The following PLCB1 variants were observed in gnomAD, a reference collection of about 807,000 sequenced individuals.
PLCB1 encodes 1-phosphatidylinositol 4,5-bisphosphate phosphodiesterase beta-1.
A neutral mutation model predicts 161.8 loss-of-function variants in PLCB1; 46 were observed. The observed-to-expected ratio is 0.28, with a 90% CI of 0.22 to 0.36. PLCB1 has a LOEUF of 0.36. PLCB1 is among the 10% of genes least tolerant of loss of function. The pLI is 1.00. For missense variants in PLCB1, 1,016 were observed against 1,472.5 expected (o/e 0.69, Z 5.07); for synonymous variants, 517 against 503.7 (o/e 1.03, Z -0.35).
chr20:8,297,110 G>A (rs892460439), intron 2 of PLCB1, among the ~76,000 whole-genome samples: 5 of 151,678 alleles, frequency 3.3e-5, no homozygotes, highest in Admixed American at 3.3e-4. Context: ...GTATGTATAT[G>A]TACATGTACA....
At chr20:8,462,430 G>C (rs1051651539) in intron 3 of PLCB1, among the ~76,000 whole-genome samples, 2 of 152,130 alleles carry the variant, frequency 1.3e-5, no homozygotes, top group Non-Finnish European at 2.9e-5. Context: ...GACAAATCAA[G>C]GCATTTCTGA....
chr20:8,754,802 C>A (rs559166539), intron 23 of PLCB1, among the ~76,000 whole-genome samples: 1 of 152,272 alleles, frequency 6.6e-6, no homozygotes, highest in African/African-American at 2.4e-5. Context: ...TATAAGATCA[C>A]CTTAATTAAA....
At chr20:8,470,643 C>A (rs1038304546) in intron 3 of PLCB1, among the ~76,000 whole-genome samples, 2 of 152,146 alleles carry the variant, frequency 1.3e-5, no homozygotes, top group East Asian at 3.9e-4. Context: ...TTCCCAAGAT[C>A]AAGTGATCCT....
intron 2 of PLCB1, among the ~76,000 whole-genome samples, chr20:8,159,893 C>T (rs1184457983): frequency 6.9e-6 from 1 of 144,222 alleles, no homozygotes; most frequent in Non-Finnish European, 1.5e-5. Context: ...AAGGCTGAGG[C>T]AGGTGAATCA....
chr20:8,215,504 A>G (rs1005029937), intron 2 of PLCB1, among the ~76,000 whole-genome samples: 1 of 151,936 alleles, frequency 6.6e-6, no homozygotes, highest in Non-Finnish European at 1.5e-5. Context: ...GGTGGGGGCC[A>G]GTTTTTTCCC....
At chr20:8,577,170 C>G (rs1986695785) in intron 3 of PLCB1, among the ~76,000 whole-genome samples, 1 of 151,992 alleles carries the variant, frequency 6.6e-6, no homozygotes, top group South Asian at 2.1e-4. Flanking sequence ...TGGCCCAAGC[C>G]TGTAATCCCA....
chr20:8,668,053 G>A (rs1299435099), intron 9 of PLCB1, among the ~76,000 whole-genome samples: 2 of 151,892 alleles, frequency 1.3e-5, no homozygotes, highest in African/African-American at 2.4e-5. Flanking sequence ...GGCCACAGGC[G>A]TTTGGCTCCT....
chr20:8,396,053 T>C (rs1423639474), intron 3 of PLCB1, among the ~76,000 whole-genome samples: 1 of 152,096 alleles, frequency 6.6e-6, no homozygotes, highest in East Asian at 1.9e-4. Flanking sequence ...CCTGTTTAGA[T>C]TGTAAACAGA....
chr20:8,164,196 C>T (rs1181723106), intron 2 of PLCB1, among the ~76,000 whole-genome samples: 3 of 152,192 alleles, frequency 2.0e-5, no homozygotes, highest in Admixed American at 6.5e-5. Context: ...AAAGGATTTT[C>T]GTGTCGAATT....
intron 3 of PLCB1, among the ~76,000 whole-genome samples, chr20:8,412,075 T>G (rs1319874305): frequency 6.6e-6 from 1 of 152,132 alleles, no homozygotes; most frequent in Non-Finnish European, 1.5e-5. Flanking sequence ...AAATTGACGC[T>G]TATAAATAAT....
chr20:8,622,696 T>C (rs1568532725), intron 3 of PLCB1, among the ~76,000 whole-genome samples: 1 of 152,168 alleles, frequency 6.6e-6, no homozygotes, highest in Admixed American at 6.5e-5. Context: ...TCCCTCCTTG[T>C]CTTACTTCCC....
chr20:8,357,746 G>A (rs143543587), intron 2 of PLCB1, among the ~76,000 whole-genome samples: 11 of 152,314 alleles, frequency 7.2e-5, no homozygotes, highest in East Asian at 5.8e-4. Context: ...TCTGCCCTGC[G>A]TTCTGCTGAT....
intron 3 of PLCB1, among the ~76,000 whole-genome samples, chr20:8,558,894 G>T (rs1037791053): frequency 6.6e-5 from 10 of 151,856 alleles, no homozygotes; most frequent in African/African-American, 2.4e-4. Context: ...CCAGATAAAA[G>T]CTGATAGAGT....
chr20:8,561,874 A>G (rs939916775), intron 3 of PLCB1, among the ~76,000 whole-genome samples: 5 of 151,898 alleles, frequency 3.3e-5, no homozygotes, highest in African/African-American at 9.7e-5. Context: ...ACTACAATCT[A>G]CATATAAGAA....
At chr20:8,820,607 A>G (rs1985296030) in intron 31 of PLCB1, among the ~76,000 whole-genome samples, 1 of 152,188 alleles carries the variant, frequency 6.6e-6, no homozygotes, top group Non-Finnish European at 1.5e-5. Flanking sequence ...ACAGTCCTAT[A>G]ACCAGAAATT....
At chr20:8,587,084 T>C (rs1414019016) in intron 3 of PLCB1, among the ~76,000 whole-genome samples, 1 of 152,066 alleles carries the variant, frequency 6.6e-6, no homozygotes, top group African/African-American at 2.4e-5. Flanking sequence ...CCACCATAAA[T>C]GTTATTAGGT....
chr20:8,513,458 T>C (rs1387064753), intron 3 of PLCB1, among the ~76,000 whole-genome samples: 1 of 152,216 alleles, frequency 6.6e-6, no homozygotes, highest in Non-Finnish European at 1.5e-5. Context: ...ATTACATTAT[T>C]TTTACAGTAT....
At chr20:8,835,803 G>T (rs955227344) in intron 31 of PLCB1, among the ~76,000 whole-genome samples, 2 of 122,400 alleles carry the variant, frequency 1.6e-5, no homozygotes, top group African/African-American at 5.1e-5. Flanking sequence ...GACTGACAAG[G>T]CATCTGGGTC....
rs369255601 is a variant in PLCB1 at position 8,543,195 on chromosome 20, T to TA, written c.247-85092dup. On this transcript the variant is annotated intron_variant, in intron 3 of 31. Transcript: ENST00000338037. ...CATTTTCAAGTTGAGAAGAAATAGATAAAAAAATAAGTAAAATAAGGAAAA... is the reference window on the plus strand; with the variant it reads ...CATTTTCAAGTTGAGAAGAAATAGATAAAAAAAATAAGTAAAATAAGGAAAA... 6.2e-3 allele frequency among the ~76,000 whole-genome samples: 938 copies of TA among 152,030 alleles called. 8 individuals carry two copies. Among genetic ancestry groups the TA allele is most frequent in the African/African-American group, 0.021 (870 of 41,446 alleles).
Sources: allele counts gnomAD v4.1 joint callset (sites outside exome capture counted in the v4.1 genomes callset), GRCh38; gene constraint gnomAD v4.1.1; transcripts MANE v1.5; gene names NCBI Gene and HGNC (gene_info 2026-07-23, HGNC 2026-07-21).